The following KRCC1 variants were observed in gnomAD, a reference collection of about 807,000 sequenced individuals.
The protein encoded by KRCC1 is lysine-rich coiled-coil protein 1.
Under a neutral mutation model 7.4 loss-of-function variants are expected in KRCC1, and 3 were observed. The observed-to-expected ratio is 0.40, with a 90% CI of 0.18 to 1.04. The LOEUF (loss-of-function observed/expected upper bound fraction) is 1.04, where lower values mean the gene tolerates loss of function less well. Among genes scored for constraint, KRCC1 ranks in the 50% least tolerant of loss-of-function variants. The pLI, the probability that KRCC1 is intolerant of heterozygous loss-of-function variation, is 0.33. For missense variants in KRCC1, 277 were observed against 300.9 expected, an observed-to-expected ratio of 0.92 and a Z score of 0.59; for synonymous variants, 102 against 101.6, an observed-to-expected ratio of 1.00 and a Z score of -0.02.
intron 1 of KRCC1, among the ~76,000 whole-genome samples, chr2:88,052,898 CAT>C (rs1295844329): frequency 1.3e-5 from 2 of 152,130 alleles, no homozygotes; most frequent in Non-Finnish European, 2.9e-5. Context: ...TGTAAACAAA[CAT>C]ATTTTAAAGA....
Position 88,028,339 on chromosome 2 carries a change from G to C in KRCC1, c.225C>G (p.Cys75Trp). Residue 75 changes from cysteine (C) to tryptophan (W), a missense_variant, in exon 4 of 4, where the codon TGC becomes TGG. Transcript: ENST00000347055. The stretch of plus-strand genomic sequence containing the variant: ...GATTTTCCACTGTTTGTGGAATATT[G>C]CATGATCTTGGGTAGGTCTGGATGG... Reference protein sequence around the residue: ...SETIQTYPRSCNIPQTVENRL... With the variant: ...SETIQTYPRSWNIPQTVENRL... 1 of 1,614,108 alleles carries C rather than the reference G, an allele frequency of 6.2e-7. No individual in the cohort carries two copies. The highest frequency in any genetic ancestry group is 8.5e-7 in the Non-Finnish European group (1 of 1,180,038).
chr2:88,047,240 GAATT>G (rs1479676162), intron 1 of KRCC1, among the ~76,000 whole-genome samples: 2 of 152,008 alleles, frequency 1.3e-5, no homozygotes, highest in Non-Finnish European at 2.9e-5. Flanking sequence ...ACTTGACGCT[GAATT>G]ATTTATTTAT....
chr2:88,051,205 C>T (rs1432308146), intron 1 of KRCC1, among the ~76,000 whole-genome samples: 1 of 152,026 alleles, frequency 6.6e-6, no homozygotes, highest in Non-Finnish European at 1.5e-5. Context: ...GGATCACAGG[C>T]GTAAACCACC....
intron 1 of KRCC1, among the ~76,000 whole-genome samples, chr2:88,038,947 T>C (rs1673148712): frequency 6.6e-6 from 1 of 152,190 alleles, no homozygotes; most frequent in African/African-American, 2.4e-5. Flanking sequence ...CCATATTACA[T>C]GGTCTGAGGA....
intron 1 of KRCC1, among the ~76,000 whole-genome samples, chr2:88,048,557 T>C (rs1673397536): frequency 6.6e-6 from 1 of 152,230 alleles, no homozygotes; most frequent in African/African-American, 2.4e-5. Flanking sequence ...TTTACTCCCC[T>C]GCTGAACTCA....
intron 1 of KRCC1, among the ~76,000 whole-genome samples, chr2:88,054,226 TGGCCTCTAGA>T (rs1357537811): frequency 6.6e-6 from 1 of 152,358 alleles, no homozygotes; most frequent in East Asian, 1.9e-4. Context: ...AAATTTAACA[TGGCCTCTAGA>T]AGCCTAAGCC....
At chr2:88,051,898 T>A (rs1558838107) in intron 1 of KRCC1, among the ~76,000 whole-genome samples, 2 of 152,270 alleles carry the variant, frequency 1.3e-5, no homozygotes, top group Admixed American at 6.5e-5. Context: ...TTCTTCAACC[T>A]CGACACTTCT....
In KRCC1 at chr2:88,038,577, T is replaced by C. The variant is rs548760746; in HGVS notation, c.-290-1526A>G. 1.3e-3 allele frequency among the ~76,000 whole-genome samples: 198 copies of C among 152,332 alleles called. 1 individual carries two copies. The highest frequency in any genetic ancestry group is 3.3e-3 in the South Asian group (16 of 4,826). ...TGTCCAAAGGGGAAAACATGGTGTA[T>C]TGGTCTGTTCTTACACTGTTACAAA... On this transcript the variant is annotated intron_variant, in intron 1 of 3. Coordinates refer to ENST00000347055, the MANE Select transcript of KRCC1 (RefSeq NM_016618.3).
chr2:88,034,515 T>C (rs1453221476), intron 2 of KRCC1, among the ~76,000 whole-genome samples: 1 of 152,194 alleles, frequency 6.6e-6, no homozygotes, highest in Admixed American at 6.5e-5. Flanking sequence ...CAAGTAATAA[T>C]TGTATATATT....
At chr2:88,035,059 A>C (rs1673066409) in intron 2 of KRCC1, among the ~76,000 whole-genome samples, 1 of 152,228 alleles carries the variant, frequency 6.6e-6, no homozygotes, top group Non-Finnish European at 1.5e-5. Flanking sequence ...AGAACTATAA[A>C]TTGAAAAAGC....
At position 88,028,392 on chromosome 2, in the gene KRCC1, T is replaced by C. The variant is rs754851558; in HGVS notation, c.172A>G (p.Met58Val). The stretch of plus-strand genomic sequence containing the variant: ...TCAGATGGGAGTCTCTGGTCAAACA[T>C]TCTATACGTGGGTCTGGAATTAACC... ...GEVNSRPTYR[M>V]FDQRLPSETI... The change falls in exon 4 of 4, where the codon ATG (methionine) becomes GTG (valine). Residue 58 changes from methionine to valine, a missense_variant. Physicochemically the swap from Met to Val is conservative, Grantham distance 21. Transcript: ENST00000347055. The C allele has an allele frequency of 5.0e-6, 8 of 1,614,148 alleles. No homozygotes were observed. Among genetic ancestry groups the C allele is most frequent in the Non-Finnish European group, 6.8e-6 (8 of 1,180,020 alleles).
intron 1 of KRCC1, among the ~76,000 whole-genome samples, chr2:88,053,430 C>A (rs554646615): frequency 6.6e-6 from 1 of 152,152 alleles, no homozygotes; most frequent in African/African-American, 2.4e-5. Context: ...CTTTTTTCCA[C>A]GACAAGTTGT....
chr2:88,029,149 T>C (rs1021211421), intron 3 of KRCC1, among the ~76,000 whole-genome samples: 6 of 152,114 alleles, frequency 3.9e-5, no homozygotes, highest in African/African-American at 1.4e-4. Flanking sequence ...CCGATACACA[T>C]GTTGCTGTCA....
chr2:88,040,540 T>A (rs1673188073), intron 1 of KRCC1, among the ~76,000 whole-genome samples: 1 of 152,210 alleles, frequency 6.6e-6, no homozygotes, highest in Admixed American at 6.5e-5. Flanking sequence ...TGTTTTTTAC[T>A]TTTGCAAGAA....
chr2:88,040,395 G>A (rs1673184702), intron 1 of KRCC1, among the ~76,000 whole-genome samples: 1 of 151,950 alleles, frequency 6.6e-6, no homozygotes, highest in African/African-American at 2.4e-5. Context: ...CATGCTTTTG[G>A]ACTTTATTAA....
chr2:88,029,470 G>T (rs915420608), intron 3 of KRCC1, among the ~76,000 whole-genome samples: 1 of 152,148 alleles, frequency 6.6e-6, no homozygotes, highest in Non-Finnish European at 1.5e-5. Flanking sequence ...CTACTTTTAG[G>T]TATCAGGTAT....
At chr2:88,029,799 GTACT>G (rs1375161311) in intron 3 of KRCC1, among the ~76,000 whole-genome samples, 2 of 147,616 alleles carry the variant, frequency 1.4e-5, no homozygotes, top group Non-Finnish European at 3.0e-5. Flanking sequence ...AGCAGAAAAT[GTACT>G]TACTATGAAA....
chr2:88,036,112 A>G (rs1223983259), intron 2 of KRCC1, among the ~76,000 whole-genome samples: 1 of 152,230 alleles, frequency 6.6e-6, no homozygotes, highest in Non-Finnish European at 1.5e-5. Context: ...AGGGAAAACT[A>G]GATGAGTTCT....
At chr2:88,037,846 T>C (rs1673124182) in intron 1 of KRCC1, among the ~76,000 whole-genome samples, 2 of 152,254 alleles carry the variant, frequency 1.3e-5, no homozygotes, top group African/African-American at 4.8e-5. Context: ...CTACAACTTT[T>C]GCTGAAAGTG....
Sources: gnomAD v4.1 joint callset for allele counts (sites outside exome capture counted in the v4.1 genomes callset) on GRCh38, gnomAD v4.1.1 for gene constraint, MANE v1.5 for transcripts, NCBI Gene and HGNC (gene_info 2026-07-23, HGNC 2026-07-21) for gene names.